The following TM4SF20 variants were observed in gnomAD, a reference collection of about 807,000 sequenced individuals.
TM4SF20 encodes transmembrane 4 L6 family member 20.
In TM4SF20, 13 loss-of-function variants were observed where a neutral mutation model predicts 15.1. The ratio of observed to expected loss-of-function variants is 0.86; its 90% CI spans 0.56 to 1.36. TM4SF20 has a LOEUF of 1.36. Among genes scored for constraint, TM4SF20 ranks in the 40% most tolerant of loss-of-function variants. The pLI is 0.00. For synonymous variants in TM4SF20, 92 were observed against 96.6 expected (o/e 0.95, Z 0.28); for missense variants, 282 against 268.4 (o/e 1.05, Z -0.35).
intron 1 of TM4SF20, among the ~76,000 whole-genome samples, chr2:227,373,706 G>A (rs912883879): frequency 2.6e-5 from 4 of 151,962 alleles, no homozygotes; most frequent in African/African-American, 9.7e-5. Flanking sequence ...CAAGGTGGGC[G>A]GATCACGAGA....
At chr2:227,367,537 G>A (rs1372506903) in intron 2 of TM4SF20, among the ~76,000 whole-genome samples, 3 of 152,110 alleles carry the variant, frequency 2.0e-5, no homozygotes, top group Non-Finnish European at 4.4e-5. Context: ...GGAAACTTTT[G>A]TATTGTTTCA....
At chr2:227,380,258 G>A (rs2076473461), upstream of TM4SF20, among the ~76,000 whole-genome samples, 1 of 152,190 alleles carries the variant, frequency 6.6e-6, no homozygotes, top group Non-Finnish European at 1.5e-5. Context: ...TGAACCTGGG[G>A]GGTGGAGGTT....
intron 1 of TM4SF20, among the ~76,000 whole-genome samples, chr2:227,374,088 TAAAAAAA>T (rs79866106): frequency 8.7e-4 from 74 of 85,310 alleles, no homozygotes; most frequent in African/African-American, 3.1e-3. Flanking sequence ...AGACCCTGTC[TAAAAAAA>T]AAAAAAAAAA....
intron 1 of TM4SF20, among the ~76,000 whole-genome samples, chr2:227,371,443 T>A (rs983934198): frequency 1.3e-5 from 2 of 152,146 alleles, no homozygotes; most frequent in Non-Finnish European, 2.9e-5. Context: ...TGGGCTCAAA[T>A]AATCCTCCTG....
intron 1 of TM4SF20, among the ~76,000 whole-genome samples, chr2:227,374,830 C>T (rs995046913): frequency 6.6e-6 from 1 of 151,702 alleles, no homozygotes; most frequent in Admixed American, 6.6e-5. Flanking sequence ...GTGGCTCATG[C>T]CTGTAATTCT....
intron 1 of TM4SF20, among the ~76,000 whole-genome samples, chr2:227,377,216 C>G (rs2076455556): frequency 6.6e-6 from 1 of 152,176 alleles, no homozygotes; most frequent in Non-Finnish European, 1.5e-5. Context: ...TCAGGAACTT[C>G]TAGGAGCTTC....
In TM4SF20 at chr2:227,363,070, AG is replaced by A. The variant is rs1260269540; in HGVS notation, c.*653del. The A allele has an allele frequency of 6.6e-6, 1 of 152,184 alleles. No individual in the cohort carries two copies. Among genetic ancestry groups the A allele is most frequent in the African/African-American group, 2.4e-5 (1 of 41,448 alleles). The allele number at this position is 152,184 out of a possible 1,614,324, so 9.4% of individuals were successfully genotyped here. A position where few individuals can be genotyped will look rare whatever the true frequency, so the allele number is the denominator to read the frequency against. ...CCTGCAAGCTGAGAATTAGATCTAA[AG>A]ACTTGATTGCATTCAGGTTATGTAT... On this transcript the variant is annotated 3_prime_UTR_variant, in exon 4 of 4. Coordinates refer to ENST00000304568, the MANE Select transcript of TM4SF20 (RefSeq NM_024795.4).
intron 2 of TM4SF20, 77 bp downstream of exon 2, chr2:227,370,838 T>C: frequency 1.7e-6 from 2 of 1,165,532 alleles, no homozygotes; most frequent in Non-Finnish European, 2.6e-6. Flanking sequence ...TAGATGCGAG[T>C]GACTCAGTGT....
chr2:227,363,706 C>T lies in TM4SF20; in HGVS notation c.*18G>A. The T allele has an allele frequency of 4.4e-6, 7 of 1,594,316 alleles. No individual in the cohort carries two copies. Among genetic ancestry groups the T allele is most frequent in the Non-Finnish European group, 6.0e-6 (7 of 1,170,384 alleles). ...AATTAATTCAAACTACTGATACTTA[C>T]ATTTTATTCCCATTAAACTACACAA... On this transcript the variant is annotated 3_prime_UTR_variant, in exon 4 of 4. Coordinates refer to ENST00000304568, the MANE Select transcript of TM4SF20 (RefSeq NM_024795.4).
In TM4SF20 at chr2:227,363,243, C is replaced by A. The variant is rs1020583906; in HGVS notation, c.*481G>T. ...CAGCCTGGGCAATATGGAAAACCCC[C>A]ATCTCTACTAAAAATACAAAAATTA... is the stretch of plus-strand genomic sequence containing the variant. On this transcript the variant is annotated 3_prime_UTR_variant, in exon 4 of 4. Transcript: ENST00000304568. 1.3e-5 allele frequency: 2 copies of A among 153,206 alleles called. No homozygotes were observed. Among genetic ancestry groups the A allele is most frequent in the Non-Finnish European group, 2.9e-5 (2 of 68,962 alleles). The allele number at this position is 153,206 out of a possible 1,614,324, so 9.5% of individuals were successfully genotyped here.
At chr2:227,373,258 T>A (rs928273966) in intron 1 of TM4SF20, among the ~76,000 whole-genome samples, 12 of 150,252 alleles carry the variant, frequency 8.0e-5, no homozygotes, top group African/African-American at 2.8e-4. Context: ...CATCTGATGA[T>A]GTACTGCCTC....
chr2:227,378,506 C>G (rs2076462686), intron 1 of TM4SF20, among the ~76,000 whole-genome samples: 2 of 152,162 alleles, frequency 1.3e-5, no homozygotes, highest in Admixed American at 6.5e-5. Flanking sequence ...ATTCAACAAG[C>G]TCGATGTCCT....
chr2:227,380,714 G>C (rs778154317), upstream of TM4SF20, among the ~76,000 whole-genome samples: 78 of 152,188 alleles, frequency 5.1e-4, no homozygotes, highest in Non-Finnish European at 1.0e-3. Context: ...GCTCAGCCCA[G>C]AGCATAGATT....
At chr2:227,379,830 T>A (rs891456866), upstream of TM4SF20, among the ~76,000 whole-genome samples, 14 of 152,194 alleles carry the variant, frequency 9.2e-5, no homozygotes, top group African/African-American at 3.4e-4. Flanking sequence ...CTAAGACATG[T>A]GAGAGCTTTG....
intron 1 of TM4SF20, 51 bp downstream of exon 1, chr2:227,379,035 G>T: frequency 1.3e-6 from 2 of 1,556,348 alleles, no homozygotes; most frequent in African/African-American, 1.4e-5. Flanking sequence ...TTAGGATTTT[G>T]GTGAAATAGG....
At chr2:227,379,684 T>C (rs535204487), upstream of TM4SF20, among the ~76,000 whole-genome samples, 3 of 152,354 alleles carry the variant, frequency 2.0e-5, no homozygotes, top group Admixed American at 1.3e-4. Context: ...TGAACACGTA[T>C]GAGATGTGGA....
rs578222585 is a variant in TM4SF20 at position 227,363,154 on chromosome 2, C to G, written c.*570G>C. Reference sequence around the variant, plus strand: ...TGTCCTTTAGGCGCGATGGCTCATGCCTGTAATCGCAGCACTTTAGGAGGC... The same window carrying G: ...TGTCCTTTAGGCGCGATGGCTCATGGCTGTAATCGCAGCACTTTAGGAGGC... On this transcript the variant is annotated 3_prime_UTR_variant, in exon 4 of 4. Coordinates refer to ENST00000304568, the MANE Select transcript of TM4SF20 (RefSeq NM_024795.4). The G allele has an allele frequency of 1.1e-4, 17 of 152,328 alleles. No homozygotes were observed. The highest frequency in any genetic ancestry group is 3.6e-4 in the African/African-American group (15 of 41,532). The allele number at this position is 152,328 out of a possible 1,614,324, so 9.4% of individuals were successfully genotyped here.
chr2:227,366,323 CT>C, intron 2 of TM4SF20, 79 bp from the exon 3 acceptor site: 3 of 1,292,772 alleles, frequency 2.3e-6, no homozygotes, highest in Non-Finnish European at 3.2e-6. Flanking sequence ...CGTATACAGT[CT>C]TTTTTAAATC....
chr2:227,369,372 C>T (rs1174588329), intron 2 of TM4SF20, among the ~76,000 whole-genome samples: 1 of 151,140 alleles, frequency 6.6e-6, no homozygotes, highest in Non-Finnish European at 1.5e-5. Context: ...TGGCGGCCAC[C>T]CAGGCACTGG....
Sources: allele counts gnomAD v4.1 joint callset (sites outside exome capture counted in the v4.1 genomes callset), GRCh38; gene constraint gnomAD v4.1.1; transcripts MANE v1.5; gene names NCBI Gene and HGNC (gene_info 2026-07-23, HGNC 2026-07-21).